Variants in STX7 observed in about 807,000 individuals in gnomAD.
The protein encoded by STX7 is syntaxin 7.
A neutral mutation model predicts 39.6 loss-of-function variants in STX7; 34 were observed. That is an observed-to-expected ratio of 0.86 (90% CI 0.65 to 1.14). The LOEUF is 1.14. Among genes scored for constraint, STX7 ranks in the 50% most tolerant of loss-of-function variants. STX7 has a pLI of 0.00. For missense variants in STX7, 284 were observed against 310.4 expected (o/e 0.92, Z 0.64); for synonymous variants, 119 against 99.1 (o/e 1.20, Z -1.19).
rs557034048 is a variant in STX7, at chr6:132,483,765, T to C, written c.86-8103A>G. ...CACAGGATCTTCTGCGACACCCCAATTGACCATGTTCAAAAATGCTTGAGA... is the reference window on the plus strand; with the variant it reads ...CACAGGATCTTCTGCGACACCCCAACTGACCATGTTCAAAAATGCTTGAGA... On this transcript the variant is annotated intron_variant, in intron 2 of 9. Transcript: ENST00000367941. Among the ~76,000 whole-genome samples, 16 of 152,244 alleles carry C rather than the reference T, an allele frequency of 1.1e-4. No individual in the cohort carries two copies. In the South Asian group the frequency reaches 2.7e-3, roughly 26 times the overall value.
Position 132,455,770 on chromosome 6 carries a change from C to G in STX7, c.*4988G>C, listed in dbSNP as rs1344242417. 6.6e-6 allele frequency: 1 copy of G among 151,894 alleles called. No individual in the cohort carries two copies. The highest frequency in any genetic ancestry group is 2.4e-5 in the African/African-American group (1 of 41,346). The allele number at this position is 151,894 out of a possible 1,614,324, so 9.4% of individuals were successfully genotyped here. On this transcript the variant is annotated 3_prime_UTR_variant, in exon 10 of 10. Coordinates refer to ENST00000367941, the MANE Select transcript of STX7 (RefSeq NM_003569.3). ...AAATATTACATAATATTCATGTTAA[C>G]CAAATGATTACAAAAACAAAGAATT...
At chr6:132,471,215 A>T (rs1774712085) in intron 5 of STX7, among the ~76,000 whole-genome samples, 1 of 152,196 alleles carries the variant, frequency 6.6e-6, no homozygotes, top group South Asian at 2.1e-4. Flanking sequence ...TTTTTGACAA[A>T]ATATGTCTCT....
intron 2 of STX7, among the ~76,000 whole-genome samples, chr6:132,481,022 C>T (rs1160453004): frequency 1.3e-5 from 2 of 152,096 alleles, no homozygotes; most frequent in Non-Finnish European, 2.9e-5. Context: ...AGAGGAGGAG[C>T]ACACAGGAAA....
At position 132,486,556 on chromosome 6, in the gene STX7, C is replaced by A. The variant is rs574952707; in HGVS notation, c.86-10894G>T. ...AACCCTGAATTCCTGGGATATACTC[C>A]ACTTGTTACATCCTTTTAAAATATT... On this transcript the variant is annotated intron_variant, in intron 2 of 9. Coordinates refer to ENST00000367941, the MANE Select transcript of STX7 (RefSeq NM_003569.3). Among the ~76,000 whole-genome samples, 45 of 152,184 alleles carry A rather than the reference C, an allele frequency of 3.0e-4. No individual in the cohort carries two copies. In the East Asian group the frequency reaches 4.8e-3, roughly 16 times the overall value.
At chr6:132,499,933 C>T (rs1775512331) in intron 2 of STX7, among the ~76,000 whole-genome samples, 1 of 152,162 alleles carries the variant, frequency 6.6e-6, no homozygotes, top group African/African-American at 2.4e-5. Flanking sequence ...CACTTGCCAC[C>T]ACCTAGTCGG....
chr6:132,510,802 A>T (rs1027765386), intron 1 of STX7, among the ~76,000 whole-genome samples: 4 of 152,264 alleles, frequency 2.6e-5, no homozygotes, highest in African/African-American at 9.6e-5. Flanking sequence ...TGCAACACTC[A>T]GATGAGAGTC....
rs537777249 is a variant in STX7, at chr6:132,499,374, C to G, written c.85+4072G>C. Reference sequence around the variant, plus strand: ...CAGCCTCTCTGGCAGCTAGGTGTAGCCACCTGATCAATGACATAAGCAGAG... The same window carrying G: ...CAGCCTCTCTGGCAGCTAGGTGTAGGCACCTGATCAATGACATAAGCAGAG... On this transcript the variant is annotated intron_variant, in intron 2 of 9. Transcript: ENST00000367941. 6.6e-5 allele frequency among the ~76,000 whole-genome samples: 10 copies of G among 152,264 alleles called. No individual in the cohort carries two copies. The South Asian group carries it at 2.1e-3, about 32-fold the overall frequency.
In STX7 at chr6:132,471,503, TTCTC is replaced by T; in HGVS notation, c.343_346del (p.Glu115LysfsTer7). 6.2e-7 allele frequency: 1 copy of T among 1,614,046 alleles called. No homozygotes were observed. The highest frequency in any genetic ancestry group is 8.5e-7 in the Non-Finnish European group (1 of 1,179,932). On this transcript the variant is annotated frameshift_variant, in exon 5 of 10. Transcript: ENST00000367941. LOFTEE classifies it high-confidence loss of function. ...GGCTCTTACTCGAGCAACAAACTCT[TTCTC>T]TCGCTCAGCAGCCTGCCTCTGGACC...
At chr6:132,485,293 C>A (rs1317370726) in intron 2 of STX7, among the ~76,000 whole-genome samples, 1 of 152,090 alleles carries the variant, frequency 6.6e-6, no homozygotes, top group Non-Finnish European at 1.5e-5. Context: ...AGTATTTATT[C>A]GTTTTTGAAA....
intron 3 of STX7, among the ~76,000 whole-genome samples, chr6:132,474,227 C>CAAA (rs67939950): frequency 0.22 from 15,568 of 69,722 alleles, 2,345 homozygotes; most frequent in East Asian, 0.52. Flanking sequence ...GATCCTGTCT[C>CAAA]AAAAAAAAAA....
At chr6:132,484,685 C>G (rs1026007622) in intron 2 of STX7, among the ~76,000 whole-genome samples, 2 of 152,126 alleles carry the variant, frequency 1.3e-5, no homozygotes, top group African/African-American at 4.8e-5. Context: ...AATCCCTGGA[C>G]AGGTGATTTT....
rs1234724312 is a variant in STX7, at chr6:132,503,441, C to A, written c.85+5G>T. The A allele has an allele frequency of 6.2e-7, 1 of 1,613,326 alleles. No individual in the cohort carries two copies. Among genetic ancestry groups the A allele is most frequent in the Non-Finnish European group, 8.5e-7 (1 of 1,179,366 alleles). On this transcript the variant is annotated splice_donor_5th_base_variant and intron_variant, in intron 2 of 9. Coordinates refer to ENST00000367941, the MANE Select transcript of STX7 (RefSeq NM_003569.3). ...ATAGTGAAGTCCATTTAAAACTCAA[C>A]TCACAACACTGTGTGATCTTCTGGA...
chr6:132,470,343 T>C (rs536099845), intron 6 of STX7, among the ~76,000 whole-genome samples: 127 of 152,270 alleles, frequency 8.3e-4, no homozygotes, highest in African/African-American at 2.8e-3. Context: ...AGGGAATGTC[T>C]ATATTAATAA....
chr6:132,460,762 TG>T lies in STX7; in HGVS notation c.781del (p.His261ThrfsTer22). 1 of 1,609,372 alleles carries T rather than the reference TG, an allele frequency of 6.2e-7. No individual in the cohort carries two copies. Among genetic ancestry groups the T allele is most frequent in the Non-Finnish European group, 8.5e-7 (1 of 1,176,260 alleles). On this transcript the variant is annotated frameshift_variant, in exon 10 of 10. Coordinates refer to ENST00000367941, the MANE Select transcript of STX7 (RefSeq NM_003569.3). LOFTEE classifies it high-confidence loss of function. ...ACAGTGTGCTCCTTTATAACTTCAG[TG>T]GTTCAATCCCCATATGATGAGACTG... ...IISLIIWGLN[H>X]
rs1333472492 is a variant in STX7, at chr6:132,457,639, A to AT, written c.*3118dup. On this transcript the variant is annotated 3_prime_UTR_variant, in exon 10 of 10. Transcript: ENST00000367941. Reference sequence around the variant, plus strand: ...AAAAAGGCCTGGGATTCACAGGCTCATTTTTTGTTTTAACTGAATCATGAA... The same window carrying AT: ...AAAAAGGCCTGGGATTCACAGGCTCATTTTTTTGTTTTAACTGAATCATGAA... 6.6e-6 allele frequency: 1 copy of AT among 152,148 alleles called. No individual in the cohort carries two copies. Among genetic ancestry groups the AT allele is most frequent in the African/African-American group, 2.4e-5 (1 of 41,442 alleles). 9.4% of individuals were successfully genotyped at this position (152,148 alleles called of 1,614,324 possible).
chr6:132,493,125 A>G (rs191596888), intron 2 of STX7, among the ~76,000 whole-genome samples: 3 of 152,364 alleles, frequency 2.0e-5, no homozygotes, highest in Non-Finnish European at 2.9e-5. Flanking sequence ...GTAGGTGGCC[A>G]TACTCAATAT....
rs775932086 is a variant in STX7, at chr6:132,470,027, T to A, written c.461A>T (p.Gln154Leu). The change falls in exon 7 of 10, where the codon CAG (glutamine) becomes CTG (leucine). Residue 154 changes from glutamine (Q) to leucine (L), a missense_variant. Coordinates refer to ENST00000367941, the MANE Select transcript of STX7 (RefSeq NM_003569.3). Reference protein sequence around the residue: ...SWESQTQPQVQVQDEEITEDD... With the variant: ...SWESQTQPQVLVQDEEITEDD... ...CTCTGTAATTTCTTCATCCTGCACCTGCACTTGAGGTTGAGTTTGGCTAAC... is the reference window on the plus strand; with the variant it reads ...CTCTGTAATTTCTTCATCCTGCACCAGCACTTGAGGTTGAGTTTGGCTAAC... 46 of 1,586,312 alleles carry A rather than the reference T, an allele frequency of 2.9e-5. No individual in the cohort carries two copies. The highest frequency in any genetic ancestry group is 1.7e-6 in the Non-Finnish European group (2 of 1,171,700).
At chr6:132,493,084 T>A (rs1429712681) in intron 2 of STX7, among the ~76,000 whole-genome samples, 1 of 152,164 alleles carries the variant, frequency 6.6e-6, no homozygotes, top group African/African-American at 2.4e-5. Context: ...TTTGACTTTA[T>A]ATGGAATAAA....
intron 2 of STX7, among the ~76,000 whole-genome samples, chr6:132,476,199 G>A (rs1318772812): frequency 6.6e-6 from 1 of 152,060 alleles, no homozygotes; most frequent in Non-Finnish European, 1.5e-5. Context: ...AATTACAAAA[G>A]ATATAACTTT....
Sources: gnomAD v4.1 joint callset for allele counts (sites outside exome capture counted in the v4.1 genomes callset) on GRCh38, gnomAD v4.1.1 for gene constraint, MANE v1.5 for transcripts, NCBI Gene and HGNC (gene_info 2026-07-23, HGNC 2026-07-21) for gene names.